SPECC1L: variants seen among roughly 807,000 people sequenced by gnomAD.
SPECC1L encodes the protein sperm antigen with calponin homology and coiled-coil domains 1 like.
Under a neutral mutation model 116.8 loss-of-function variants are expected in SPECC1L, and 40 were observed. That is an observed-to-expected ratio of 0.34 (90% CI 0.27 to 0.45). SPECC1L has a LOEUF of 0.45. Among genes scored for constraint, SPECC1L ranks in the 20% least tolerant of loss-of-function variants. The pLI is 1.00. For missense variants in SPECC1L, 1,110 were observed against 1,373.6 expected, an observed-to-expected ratio of 0.81 and a Z score of 3.03; for synonymous variants, 504 against 500.6, an observed-to-expected ratio of 1.01 and a Z score of -0.09.
chr22:24,277,846 A>G (rs993051390), intron 2 of SPECC1L, among the ~76,000 whole-genome samples: 6 of 152,368 alleles, frequency 3.9e-5, no homozygotes, highest in Admixed American at 6.5e-5. Flanking sequence ...AAGTGTGTAC[A>G]AGTTCCTCTA....
chr22:24,357,814 T>C (rs2041561319), intron 11 of SPECC1L, among the ~76,000 whole-genome samples: 1 of 152,250 alleles, frequency 6.6e-6, no homozygotes, highest in African/African-American at 2.4e-5. Flanking sequence ...ATTTCAGTTT[T>C]AGGCTGTCCT....
chr22:24,383,017 A>C (rs1240980905), intron 14 of SPECC1L, among the ~76,000 whole-genome samples: 2 of 152,218 alleles, frequency 1.3e-5, no homozygotes, highest in African/African-American at 4.8e-5. Flanking sequence ...ACTTAAGCAC[A>C]GTTTTTGTTC....
At chr22:24,364,466 C>T (rs2041711492) in intron 12 of SPECC1L, among the ~76,000 whole-genome samples, 1 of 151,918 alleles carries the variant, frequency 6.6e-6, no homozygotes, top group Non-Finnish European at 1.5e-5. Context: ...AGTTCGAGAC[C>T]AGCCTGGCCA....
chr22:24,399,506 C>T (rs2042429754), intron 14 of SPECC1L, among the ~76,000 whole-genome samples: 1 of 151,954 alleles, frequency 6.6e-6, no homozygotes, highest in Non-Finnish European at 1.5e-5. Flanking sequence ...GGAGGCGGAG[C>T]TTGTGGTGAG....
intron 14 of SPECC1L, among the ~76,000 whole-genome samples, chr22:24,381,498 G>A (rs919655215): frequency 6.6e-6 from 1 of 152,142 alleles, no homozygotes; most frequent in African/African-American, 2.4e-5. Flanking sequence ...GAGATAAGTG[G>A]AATTAAAAGA....
In SPECC1L at chr22:24,413,996, G is replaced by A. The variant is rs112626149; in HGVS notation, c.3265-538G>A. 2.7e-3 allele frequency among the ~76,000 whole-genome samples: 405 copies of A among 152,236 alleles called. 3 individuals carry two copies. The highest frequency in any genetic ancestry group is 9.0e-3 in the African/African-American group (372 of 41,560). ...TGGAGTGAGGTGGGGGTGGGTCCAC[G>A]GTTTCCCAAGTTTATTTTCCTAGAA... On this transcript the variant is annotated intron_variant, in intron 16 of 16. Coordinates refer to ENST00000314328, the MANE Select transcript of SPECC1L (RefSeq NM_015330.6).
chr22:24,376,021 A>G (rs758846669), intron 14 of SPECC1L, among the ~76,000 whole-genome samples: 1 of 152,178 alleles, frequency 6.6e-6, no homozygotes, highest in Non-Finnish European at 1.5e-5. Flanking sequence ...AATGGTGAAG[A>G]CTGAAAGCTT....
At position 24,363,430 on chromosome 22, in the gene SPECC1L, CCTGGCCTCAAGCTATGCTCTCA is replaced by C. The variant is rs2041684715; in HGVS notation, c.2827+100_2827+121del. 5.9e-6 allele frequency: 7 copies of C among 1,186,676 alleles called. No homozygotes were observed. In the Admixed American group the frequency reaches 8.8e-5, roughly 15 times the overall value. 73.5% of individuals were successfully genotyped at this position (1,186,676 alleles called of 1,614,324 possible). A position where few individuals can be genotyped will look rare whatever the true frequency, so the allele number is the denominator to read the frequency against. ...ATGTTGCCCAGGCTGATCTCAAACT[CCTGGCCTCAAGCTATGCTCTCA>C]CTGGCCTCAAGCTGTCCTCTCACCT... is the stretch of plus-strand genomic sequence containing the variant. On this transcript the variant is annotated intron_variant, in intron 12 of 16. Coordinates refer to ENST00000314328, the MANE Select transcript of SPECC1L (RefSeq NM_015330.6).
In SPECC1L at chr22:24,319,710, C is replaced by T. The variant is rs575054956; in HGVS notation, c.308-1578C>T. The stretch of plus-strand genomic sequence containing the variant: ...TGCCATGTTCACTTCTGCTTCCTTT[C>T]GTTGTCTGTCTTTTTGCCAGCCTGA... On this transcript the variant is annotated intron_variant, in intron 4 of 16. Transcript: ENST00000314328. 5.9e-5 allele frequency among the ~76,000 whole-genome samples: 9 copies of T among 152,236 alleles called. No homozygotes were observed. In the South Asian group the frequency reaches 6.2e-4, roughly 11 times the overall value.
Position 24,322,858 on chromosome 22 carries a change from G to T in SPECC1L, c.1878G>T (p.Leu626Phe), listed in dbSNP as rs1203522297. The T allele has an allele frequency of 6.2e-7, 1 of 1,613,388 alleles. No individual in the cohort carries two copies. ...KEKAETLASS[L>F]QEDLAHTRND... ...AAGCAGAGACTTTGGCTAGTAGCTT[G>T]CAGGAAGATCTGGCTCATACCCGAA... The change falls in exon 5 of 17, where the codon TTG becomes TTT. Residue 626 changes from leucine to phenylalanine, a missense_variant. By Grantham distance (22) the Leu-to-Phe change is conservative. Transcript: ENST00000314328.
At chr22:24,335,487 A>G (rs530264875) in intron 9 of SPECC1L, among the ~76,000 whole-genome samples, 3 of 152,168 alleles carry the variant, frequency 2.0e-5, no homozygotes, top group Non-Finnish European at 4.4e-5. Context: ...CCCACTTTCA[A>G]ATGACTGACT....
intron 9 of SPECC1L, among the ~76,000 whole-genome samples, chr22:24,335,806 C>T (rs1444821042): frequency 1.3e-5 from 2 of 151,996 alleles, no homozygotes; most frequent in Admixed American, 1.3e-4. Flanking sequence ...TTAGTACTGG[C>T]ACAAGTATTA....
intron 2 of SPECC1L, among the ~76,000 whole-genome samples, chr22:24,294,946 CTA>C (rs1176973543): frequency 2.6e-5 from 4 of 152,112 alleles, no homozygotes; most frequent in Admixed American, 1.3e-4. Context: ...AGTAAAGAGT[CTA>C]TGAGTTGATT....
At chr22:24,333,058 A>G (rs1026911667) in intron 8 of SPECC1L, among the ~76,000 whole-genome samples, 9 of 152,106 alleles carry the variant, frequency 5.9e-5, no homozygotes, top group East Asian at 1.9e-4. Flanking sequence ...GAGAAACCCA[A>G]TGTCTACTAA....
At chr22:24,286,075 A>T (rs1426571101) in intron 2 of SPECC1L, among the ~76,000 whole-genome samples, 3 of 152,246 alleles carry the variant, frequency 2.0e-5, no homozygotes, top group African/African-American at 7.2e-5. Context: ...TCTCAGAGGC[A>T]TGTATATGTG....
chr22:24,333,103 C>T (rs2040971337), intron 8 of SPECC1L, among the ~76,000 whole-genome samples: 1 of 152,160 alleles, frequency 6.6e-6, no homozygotes, highest in Non-Finnish European at 1.5e-5. Flanking sequence ...TGGCACATGC[C>T]TGTAATCCCA....
In SPECC1L at chr22:24,328,039, G is replaced by A. The variant is rs529436880; in HGVS notation, c.2147-807G>A. Among the ~76,000 whole-genome samples the A allele has an allele frequency of 5.3e-5, 8 of 152,340 alleles. No homozygotes were observed. In the South Asian group the frequency reaches 1.4e-3, roughly 28 times the overall value. On this transcript the variant is annotated intron_variant, in intron 6 of 16. Coordinates refer to ENST00000314328, the MANE Select transcript of SPECC1L (RefSeq NM_015330.6). ...AGCTGTCAAAGTAACACAGCCGTAA[G>A]CGGTTTACTTAGTGGCAGCTATCAG...
At chr22:24,329,650 G>T (rs1210774338) in intron 7 of SPECC1L, among the ~76,000 whole-genome samples, 1 of 152,164 alleles carries the variant, frequency 6.6e-6, no homozygotes, top group Non-Finnish European at 1.5e-5. Context: ...TGAGTCCCAG[G>T]GAGACTTCCC....
At chr22:24,326,655 CT>C (rs772932355) in intron 6 of SPECC1L, among the ~76,000 whole-genome samples, 20 of 152,196 alleles carry the variant, frequency 1.3e-4, no homozygotes, top group Non-Finnish European at 2.8e-4. Flanking sequence ...AAGATTATAT[CT>C]TTCCTTTCCT....
Sources: gnomAD v4.1 joint callset for allele counts (sites outside exome capture counted in the v4.1 genomes callset) on GRCh38, gnomAD v4.1.1 for gene constraint, MANE v1.5 for transcripts, NCBI Gene and HGNC (gene_info 2026-07-23, HGNC 2026-07-21) for gene names.